CNTN5: variants seen among roughly 807,000 people sequenced by gnomAD.
CNTN5 encodes contactin-5.
CNTN5 carries 77 observed loss-of-function variants against 129.1 expected under a neutral mutation model. That is an observed-to-expected ratio of 0.60 (90% CI 0.50 to 0.72). The LOEUF (loss-of-function observed/expected upper bound fraction) is 0.72. CNTN5 is among the 30% of genes least tolerant of loss of function. The pLI, the probability that CNTN5 is intolerant of heterozygous loss-of-function variation, is 0.00. For synonymous variants in CNTN5, 509 were observed against 465.6 expected (o/e 1.09, Z -1.20); for missense variants, 1,478 against 1,328.8 (o/e 1.11, Z -1.75).
intron 13 of CNTN5, among the ~76,000 whole-genome samples, chr11:100,076,684 A>G (rs1944142185): frequency 6.6e-6 from 1 of 151,208 alleles, no homozygotes. Context: ...TTTTTTTTTA[A>G]TTTATTCAAG....
intron 1 of CNTN5, among the ~76,000 whole-genome samples, chr11:99,235,439 G>T (rs2135741158): frequency 6.6e-6 from 1 of 152,170 alleles, no homozygotes; most frequent in African/African-American, 2.4e-5. Flanking sequence ...GAGATACATA[G>T]TTTAGCATCC....
In CNTN5 at chr11:99,679,002, T is replaced by C. The variant is rs760400743; in HGVS notation, c.55+122733T>C. 1.6e-4 allele frequency among the ~76,000 whole-genome samples: 23 copies of C among 147,714 alleles called. 1 individual carries two copies. The highest frequency in any genetic ancestry group is 2.8e-4 in the Non-Finnish European group (19 of 67,014). On this transcript the variant is annotated intron_variant, in intron 3 of 24. Coordinates refer to ENST00000524871, the MANE Select transcript of CNTN5 (RefSeq NM_014361.4). ...ATATAAAATTCCATAAATATACATA[T>C]TTATTTATATATTTCTTTTAAATAT...
rs552567470 is a variant in CNTN5, at chr11:99,448,551, T to G, written c.-70-107594T>G. Among the ~76,000 whole-genome samples, 31 of 152,002 alleles carry G rather than the reference T, an allele frequency of 2.0e-4. 2 individuals are homozygous for G. In the East Asian group the frequency reaches 6.0e-3, roughly 29 times the overall value. On this transcript the variant is annotated intron_variant, in intron 2 of 24. Transcript: ENST00000524871. The stretch of plus-strand genomic sequence containing the variant: ...TTAAAGATAATTATGTTGAAAAAGG[T>G]AAAACTGCAATTTTTTGTGACTATC...
At chr11:99,819,920 G>T (rs1415394618) in intron 4 of CNTN5, among the ~76,000 whole-genome samples, 155 bp downstream of exon 4, 1 of 152,184 alleles carries the variant, frequency 6.6e-6, no homozygotes, top group Non-Finnish European at 1.5e-5. Flanking sequence ...TTAAAGCTGG[G>T]GTGAGCTAGT....
At position 99,436,459 on chromosome 11, in the gene CNTN5, G is replaced by A. The variant is rs78988352; in HGVS notation, c.-71+110975G>A. On this transcript the variant is annotated intron_variant, in intron 2 of 24. Coordinates refer to ENST00000524871, the MANE Select transcript of CNTN5 (RefSeq NM_014361.4). ...CTTCCTTACATCTTTCACAGCATAC[G>A]TTTGAATCTTACTCACTTTATATTT... is the stretch of plus-strand genomic sequence containing the variant. Among the ~76,000 whole-genome samples, 1,486 of 152,154 alleles carry A rather than the reference G, an allele frequency of 9.8e-3. 16 individuals carry two copies. The highest frequency in any genetic ancestry group is 0.016 in the Non-Finnish European group (1,074 of 67,996).
rs116415560 is a variant in CNTN5 at position 99,119,265 on chromosome 11, A to G, written c.-210+97995A>G. Among the ~76,000 whole-genome samples the G allele has an allele frequency of 8.5e-3, 1,288 of 152,270 alleles. 22 individuals are homozygous for G. The highest frequency in any genetic ancestry group is 0.029 in the African/African-American group (1,196 of 41,564). On this transcript the variant is annotated intron_variant, in intron 1 of 24. Transcript: ENST00000524871. Reference sequence around the variant, plus strand: ...CCAGGTATTAAGCCTAATATCTATTAGTTATTTTTCCTGATTCTCTCCATC... The same window carrying G: ...CCAGGTATTAAGCCTAATATCTATTGGTTATTTTTCCTGATTCTCTCCATC...
chr11:99,602,291 A>G (rs1054251108), intron 3 of CNTN5, among the ~76,000 whole-genome samples: 1 of 152,100 alleles, frequency 6.6e-6, no homozygotes, highest in African/African-American at 2.4e-5. Context: ...GAATAATAAT[A>G]ATAAGAAACA....
intron 3 of CNTN5, among the ~76,000 whole-genome samples, chr11:99,756,309 A>G (rs1196838300): frequency 6.6e-6 from 1 of 152,060 alleles, no homozygotes; most frequent in Non-Finnish European, 1.5e-5. Context: ...ATCTCTACCT[A>G]TGTTTTTTTA....
chr11:99,359,634 T>G (rs1938961491), intron 2 of CNTN5, among the ~76,000 whole-genome samples: 1 of 150,522 alleles, frequency 6.6e-6, no homozygotes, highest in Non-Finnish European at 1.5e-5. Flanking sequence ...TTTATATAAA[T>G]ATATTTATTC....
chr11:99,889,063 C>T (rs950876769), intron 6 of CNTN5, among the ~76,000 whole-genome samples: 4 of 151,944 alleles, frequency 2.6e-5, no homozygotes, highest in African/African-American at 7.3e-5. Flanking sequence ...AACTGACATC[C>T]GTAGAATTTT....
chr11:99,559,065 G>A (rs1494471), intron 3 of CNTN5, among the ~76,000 whole-genome samples: 45,418 of 151,674 alleles, frequency 0.3, 7,203 homozygotes, highest in Middle Eastern at 0.4. Context: ...TTGTTCCTTG[G>A]TTAATGCTTA....
intron 2 of CNTN5, among the ~76,000 whole-genome samples, chr11:99,327,832 T>C (rs1053796449): frequency 6.6e-6 from 1 of 152,200 alleles, no homozygotes; most frequent in African/African-American, 2.4e-5. Context: ...TTAAAAGCGG[T>C]CCTGAGTTCA....
At chr11:99,875,748 GAT>G (rs551797928) in intron 6 of CNTN5, among the ~76,000 whole-genome samples, 1 of 151,352 alleles carries the variant, frequency 6.6e-6, no homozygotes, top group Non-Finnish European at 1.5e-5. Flanking sequence ...TTTTTTAAAG[GAT>G]ATATATATAT....
intron 18 of CNTN5, among the ~76,000 whole-genome samples, chr11:100,272,596 T>C (rs936332518): frequency 6.6e-6 from 1 of 151,958 alleles, no homozygotes; most frequent in African/African-American, 2.4e-5. Flanking sequence ...CAGCTCCTAC[T>C]GAGGGACCCA....
At chr11:99,723,893 G>A (rs1347752438) in intron 3 of CNTN5, among the ~76,000 whole-genome samples, 1 of 152,016 alleles carries the variant, frequency 6.6e-6, no homozygotes, top group Non-Finnish European at 1.5e-5. Context: ...ACATTCTAAG[G>A]GCCAGTTAGC....
At chr11:99,990,447 T>C (rs1218661244) in intron 8 of CNTN5, among the ~76,000 whole-genome samples, 843 of 76,840 alleles carry the variant, frequency 0.011, 12 homozygotes, top group African/African-American at 0.035. Context: ...TTTTAGAATA[T>C]ATATATATAC....
At chr11:99,674,363 G>A (rs1426598248) in intron 3 of CNTN5, among the ~76,000 whole-genome samples, 2 of 151,978 alleles carry the variant, frequency 1.3e-5, no homozygotes, top group East Asian at 3.9e-4. Context: ...ACCTTTGTCA[G>A]ATGAGAAGTT....
intron 20 of CNTN5, 25 bp downstream of exon 20, chr11:100,299,421 T>C (rs1350476259): frequency 7.1e-7 from 1 of 1,398,704 alleles, no homozygotes; most frequent in Admixed American, 2.0e-5. Context: ...TCCTATTATT[T>C]TTATTTAACA....
chr11:99,578,788 A>C (rs1252510297), intron 3 of CNTN5, among the ~76,000 whole-genome samples: 1 of 152,136 alleles, frequency 6.6e-6, no homozygotes, highest in African/African-American at 2.4e-5. Context: ...TTGCCTGTTC[A>C]TTCTGATAGT....
Sources: gnomAD v4.1 joint callset for allele counts (sites outside exome capture counted in the v4.1 genomes callset) on GRCh38, gnomAD v4.1.1 for gene constraint, MANE v1.5 for transcripts, NCBI Gene and HGNC (gene_info 2026-07-23, HGNC 2026-07-21) for gene names.